Variants in STK32B observed in about 807,000 individuals in gnomAD.
STK32B encodes the protein serine/threonine-protein kinase 32B.
In STK32B, 43 loss-of-function variants were observed where a neutral mutation model predicts 52.6. The observed-to-expected ratio is 0.82, with a 90% confidence interval of 0.64 to 1.05. STK32B has a LOEUF of 1.05. STK32B is among the 50% of genes least tolerant of loss of function. The pLI is 0.00. For synonymous variants in STK32B, 238 were observed against 204.3 expected (o/e 1.17, Z -1.41); for missense variants, 621 against 534.6 (o/e 1.16, Z -1.59).
At chr4:5,482,593 G>A (rs776022898) in intron 11 of STK32B, among the ~76,000 whole-genome samples, 58 of 152,208 alleles carry the variant, frequency 3.8e-4, no homozygotes, top group Non-Finnish European at 7.6e-4. Flanking sequence ...TATCCTGCCT[G>A]ATTGCCCTGG....
intron 6 of STK32B, among the ~76,000 whole-genome samples, chr4:5,444,290 A>G (rs1419017650): frequency 6.6e-6 from 1 of 152,152 alleles, no homozygotes; most frequent in African/African-American, 2.4e-5. Context: ...CAGGTGCGGG[A>G]TATAATCTTG....
intron 4 of STK32B, among the ~76,000 whole-genome samples, chr4:5,349,878 C>A (rs1733716590): frequency 6.6e-6 from 1 of 151,854 alleles, no homozygotes; most frequent in Admixed American, 6.6e-5. Context: ...TAGACTAGAT[C>A]AAGAAGGGGA....
At chr4:5,253,450 C>T (rs916344136) in intron 3 of STK32B, among the ~76,000 whole-genome samples, 3 of 152,146 alleles carry the variant, frequency 2.0e-5, no homozygotes, top group African/African-American at 7.2e-5. Context: ...TCTCAGCTCA[C>T]CGCAACCTCC....
chr4:5,021,911 G>A, the STK32B span, among the ~76,000 whole-genome samples: 2 of 152,130 alleles, frequency 1.3e-5, no homozygotes, highest in African/African-American at 2.4e-5. Context: ...AGGCTGTTGT[G>A]CACTGGGCCA....
intron 11 of STK32B, among the ~76,000 whole-genome samples, chr4:5,493,955 A>G (rs1414560367): frequency 1.3e-5 from 2 of 152,238 alleles, no homozygotes; most frequent in Non-Finnish European, 2.9e-5. Flanking sequence ...AGTTTGTTAT[A>G]ATTTCTGATC....
At chr4:5,188,933 AG>A (rs1266566276) in intron 3 of STK32B, among the ~76,000 whole-genome samples, 1 of 152,138 alleles carries the variant, frequency 6.6e-6, no homozygotes, top group Non-Finnish European at 1.5e-5. Flanking sequence ...CAATGAGTGC[AG>A]CAAACCAACA....
chr4:5,149,614 G>A (rs546333340), intron 2 of STK32B, among the ~76,000 whole-genome samples: 1 of 151,960 alleles, frequency 6.6e-6, no homozygotes, highest in East Asian at 1.9e-4. Context: ...TACAACTGTA[G>A]AGGCCCATCT....
At chr4:5,376,297 GA>G (rs1735579236) in intron 4 of STK32B, among the ~76,000 whole-genome samples, 1 of 152,166 alleles carries the variant, frequency 6.6e-6, no homozygotes, top group Non-Finnish European at 1.5e-5. Context: ...CTTGCTGGGG[GA>G]CTCATTCATC....
chr4:5,498,974 A>G lies in STK32B; in HGVS notation c.1136A>G (p.Gln379Arg). ...KLRRQQGQGS[Q>R]LLDTDSRGGG... ...AGGAGGCAGCAGGGACAGGGCAGCCAGCTCTTGGACACCGACAGCCGAGGG... is the reference window on the plus strand; with the variant it reads ...AGGAGGCAGCAGGGACAGGGCAGCCGGCTCTTGGACACCGACAGCCGAGGG... Residue 379 changes from glutamine to arginine, a missense_variant, in exon 12 of 12, where the codon CAG becomes CGG. Physicochemically the swap from Gln to Arg is conservative, Grantham distance 43 (BLOSUM62 1). Coordinates refer to ENST00000282908, the MANE Select transcript of STK32B (RefSeq NM_018401.3). 1 of 1,613,704 alleles carries G rather than the reference A, an allele frequency of 6.2e-7. No individual in the cohort carries two copies. The highest frequency in any genetic ancestry group is 8.5e-7 in the Non-Finnish European group (1 of 1,179,756).
Position 5,460,296 on chromosome 4 carries a change from A to C in STK32B, c.909+68A>C. The C allele has an allele frequency of 6.5e-7, 1 of 1,542,904 alleles. No homozygotes were observed. The highest frequency in any genetic ancestry group is 8.7e-7 in the Non-Finnish European group (1 of 1,145,354). The stretch of plus-strand genomic sequence containing the variant: ...GGTCCCCGCCTTGGTGCAAAGCAAG[A>C]CTTTGGCAGCTGGCTAGTGAGCCCT... On this transcript the variant is annotated intron_variant, in intron 9 of 11. Coordinates refer to ENST00000282908, the MANE Select transcript of STK32B (RefSeq NM_018401.3). The surrounding 1 kb of genome is among the most constrained non-coding windows in gnomAD (Gnocchi z 4.8).
At chr4:5,198,310 CGCCACCTGTGGAAAT>C (rs1273147543) in intron 3 of STK32B, among the ~76,000 whole-genome samples, 2 of 152,222 alleles carry the variant, frequency 1.3e-5, no homozygotes, top group African/African-American at 4.8e-5. Context: ...CCACTTGACA[CGCCACCTGTGGAAAT>C]GCCTCTTTGA....
intron 3 of STK32B, among the ~76,000 whole-genome samples, chr4:5,293,592 A>G (rs976908483): frequency 6.6e-5 from 10 of 152,102 alleles, no homozygotes; most frequent in African/African-American, 2.4e-4. Flanking sequence ...TCTTCTTTTG[A>G]GAAGTGTCTG....
intron 4 of STK32B, chr4:5,345,516 C>T (rs1733394051): frequency 6.6e-6 from 1 of 152,128 alleles, no homozygotes; most frequent in Non-Finnish European, 1.5e-5. Context: ...GACATTAGAC[C>T]ATAATGATAA....
At chr4:5,434,301 A>C (rs1035979848) in intron 6 of STK32B, among the ~76,000 whole-genome samples, 3 of 152,194 alleles carry the variant, frequency 2.0e-5, no homozygotes, top group Non-Finnish European at 4.4e-5. Flanking sequence ...TCCTTCTTTT[A>C]TCTACTAATT....
intron 3 of STK32B, among the ~76,000 whole-genome samples, chr4:5,315,099 C>G (rs1348241808): frequency 4.6e-5 from 7 of 152,062 alleles, no homozygotes; most frequent in African/African-American, 1.7e-4. Context: ...TGTATCTAGA[C>G]TATATAGTGA....
At chr4:5,261,318 T>C (rs369497530) in intron 3 of STK32B, among the ~76,000 whole-genome samples, 1 of 152,174 alleles carries the variant, frequency 6.6e-6, no homozygotes. Context: ...ATTTGTATAT[T>C]AGAAAGACTT....
At position 5,460,950 on chromosome 4, in the gene STK32B, G is replaced by C. The variant is rs540191164; in HGVS notation, c.909+722G>C. Among the ~76,000 whole-genome samples the C allele has an allele frequency of 6.6e-6, 1 of 152,314 alleles. No individual in the cohort carries two copies. Among genetic ancestry groups the C allele is most frequent in the Admixed American group, 6.5e-5 (1 of 15,308 alleles). ...GAGTGTTTAAGGCAGGGAAGTGAAAGCATTGGATTTACATTTTAAAGGAGG... is the reference window on the plus strand; with the variant it reads ...GAGTGTTTAAGGCAGGGAAGTGAAACCATTGGATTTACATTTTAAAGGAGG... On this transcript the variant is annotated intron_variant, in intron 9 of 11. Coordinates refer to ENST00000282908, the MANE Select transcript of STK32B (RefSeq NM_018401.3). The surrounding 1 kb of genome is among the most constrained non-coding windows in gnomAD (Gnocchi z 4.8).
chr4:5,039,806 G>A, the STK32B span, among the ~76,000 whole-genome samples: 2 of 152,208 alleles, frequency 1.3e-5, no homozygotes, highest in Non-Finnish European at 2.9e-5. Context: ...AAATAGGAAT[G>A]TTGAGCTCTG....
the STK32B span, among the ~76,000 whole-genome samples, chr4:5,026,813 C>G: frequency 6.6e-6 from 1 of 152,200 alleles, no homozygotes; most frequent in Admixed American, 6.5e-5. Flanking sequence ...TCACCATTCT[C>G]AAATGTCCTC....
Sources: allele counts gnomAD v4.1 joint callset (sites outside exome capture counted in the v4.1 genomes callset), GRCh38; gene constraint gnomAD v4.1.1; non-coding constraint Gnocchi (gnomAD v3.1); transcripts MANE v1.5; gene names NCBI Gene and HGNC (gene_info 2026-07-23, HGNC 2026-07-21).